The following ATF3 variants were observed in gnomAD, a reference collection of about 807,000 sequenced individuals.
ATF3 encodes cyclic AMP-dependent transcription factor ATF-3.
A neutral mutation model predicts 18.4 loss-of-function variants in ATF3; 10 were observed. That is an observed-to-expected ratio of 0.54 (90% CI 0.34 to 0.92). The LOEUF (loss-of-function observed/expected upper bound fraction) is 0.92. Among genes scored for constraint, ATF3 ranks in the 40% least tolerant of loss-of-function variants. The pLI is 0.02. For missense variants in ATF3, 183 were observed against 222.3 expected (o/e 0.82, Z 1.12); for synonymous variants, 78 against 87.9 (o/e 0.89, Z 0.63).
chr1:212,587,651 A>G (rs528640353), intron 1 of ATF3, among the ~76,000 whole-genome samples: 2 of 152,352 alleles, frequency 1.3e-5, no homozygotes, highest in East Asian at 3.9e-4. Flanking sequence ...CTTTCCATTG[A>G]AATAAAATCC....
intron 1 of ATF3, among the ~76,000 whole-genome samples, chr1:212,589,805 T>G (rs1281228441): frequency 1.2e-5 from 1 of 84,566 alleles, no homozygotes; most frequent in Non-Finnish European, 2.5e-5. Context: ...TGGTCAACTT[T>G]TTTTTTTTTT....
intron 1 of ATF3, among the ~76,000 whole-genome samples, chr1:212,569,396 C>T (rs555728253): frequency 1.3e-5 from 2 of 152,302 alleles, no homozygotes; most frequent in East Asian, 1.9e-4. Context: ...TTAACCAGAA[C>T]AGAGTTGTAC....
intron 1 of ATF3, among the ~76,000 whole-genome samples, chr1:212,567,129 A>G (rs1181359153): frequency 1.3e-5 from 2 of 151,938 alleles, no homozygotes; most frequent in Admixed American, 1.3e-4. Context: ...GCCCACAGAA[A>G]GGGGTTTTCT....
chr1:212,594,261 C>G (rs1664947837), intron 1 of ATF3, among the ~76,000 whole-genome samples: 1 of 152,180 alleles, frequency 6.6e-6, no homozygotes, highest in East Asian at 1.9e-4. Flanking sequence ...AGTCTACATG[C>G]TTCATGAATT....
intron 1 of ATF3, 149 bp from the exon 2 acceptor site, chr1:212,614,869 C>A: frequency 7.1e-7 from 1 of 1,403,308 alleles, no homozygotes; most frequent in Non-Finnish European, 9.8e-7. Context: ...ATGAGGATGG[C>A]ATGAAATGAA....
chr1:212,618,803 G>T lies in ATF3; in HGVS notation c.349-555G>T. The T allele has an allele frequency of 1.7e-6, 1 of 582,704 alleles. No homozygotes were observed. Among genetic ancestry groups the T allele is most frequent in the Non-Finnish European group, 3.0e-6 (1 of 328,430 alleles). 36.1% of individuals were successfully genotyped at this position (582,704 alleles called of 1,614,324 possible). A position where few individuals can be genotyped will look rare whatever the true frequency, so the allele number is the denominator to read the frequency against. On this transcript the variant is annotated intron_variant, in intron 3 of 3. Transcript: ENST00000341491. This position sits in a 1 kb window ranked among gnomAD's most constrained non-coding sequence, Gnocchi z 4.4. ...ATAGCTTTTGTGGGCAAGCAGGGTG[G>T]CCGGTGGTGCTCAGCAGTCTTTCCA...
At chr1:212,602,998 T>C (rs1000749722) in intron 1 of ATF3, among the ~76,000 whole-genome samples, 9 of 152,252 alleles carry the variant, frequency 5.9e-5, no homozygotes, top group Admixed American at 5.9e-4. Flanking sequence ...GTTTATCTCA[T>C]GGCCCTGGTA....
rs1473568338 is a variant in ATF3 at position 212,618,919 on chromosome 1, AG to A, written c.349-435del. 4 of 1,223,458 alleles carry A rather than the reference AG, an allele frequency of 3.3e-6. No homozygotes were observed. Among genetic ancestry groups the A allele is most frequent in the Non-Finnish European group, 4.7e-6 (4 of 850,046 alleles). The allele number at this position is 1,223,458 out of a possible 1,614,324, so 75.8% of individuals were successfully genotyped here. A position where few individuals can be genotyped will look rare whatever the true frequency, so the allele number is the denominator to read the frequency against. ...CCCCAAAAGTTCTGTTGATTGCTTC[AG>A]GGGATCAGTGAAAATTAGGGAATTT... On this transcript the variant is annotated intron_variant, in intron 3 of 3. Coordinates refer to ENST00000341491, the MANE Select transcript of ATF3 (RefSeq NM_001674.4). This position sits in a 1 kb window ranked among gnomAD's most constrained non-coding sequence, Gnocchi z 4.4.
At position 212,620,736 on chromosome 1, in the gene ATF3, C is replaced by G. The variant is rs1239872124; in HGVS notation, c.*1181C>G. On this transcript the variant is annotated 3_prime_UTR_variant, in exon 4 of 4. Coordinates refer to ENST00000341491, the MANE Select transcript of ATF3 (RefSeq NM_001674.4). The stretch of plus-strand genomic sequence containing the variant: ...TACTTATTTATCCTAGTATTCCTAA[C>G]CTGTCAGAATAATAAATATTGGAAC... The G allele has an allele frequency of 6.6e-6, 1 of 152,490 alleles. No individual in the cohort carries two copies. Among genetic ancestry groups the G allele is most frequent in the East Asian group, 1.9e-4 (1 of 5,204 alleles). The allele number at this position is 152,490 out of a possible 1,614,324, so 9.4% of individuals were successfully genotyped here. A position where few individuals can be genotyped will look rare whatever the true frequency, so the allele number is the denominator to read the frequency against.
chr1:212,583,334 G>A (rs1443896088), intron 1 of ATF3, among the ~76,000 whole-genome samples: 1 of 152,168 alleles, frequency 6.6e-6, no homozygotes, highest in Non-Finnish European at 1.5e-5. Context: ...CTGGGCTCAA[G>A]TGATCCTCCT....
Position 212,619,503 on chromosome 1 carries a change from A to T in ATF3, c.494A>T (p.Asp165Val). The change falls in exon 4 of 4, where the codon GAT becomes GTT. Residue 165 changes from aspartate to valine, a missense_variant. Transcript: ENST00000341491. This position sits in a 1 kb window ranked among gnomAD's most constrained non-coding sequence, Gnocchi z 4.4. ...GCTCAGAATGGGAGGACTCCAGAAG[A>T]TGAGAGAAACCTCTTTATCCAACAG... The part of the protein sequence containing the change: ...VRAQNGRTPE[D>V]ERNLFIQQIK... 1 of 1,614,216 alleles carries T rather than the reference A, an allele frequency of 6.2e-7. No individual in the cohort carries two copies. The highest frequency in any genetic ancestry group is 8.5e-7 in the Non-Finnish European group (1 of 1,180,038).
chr1:212,592,530 TC>T, intron 1 of ATF3, among the ~76,000 whole-genome samples: 1 of 151,582 alleles, frequency 6.6e-6, no homozygotes, highest in African/African-American at 2.4e-5. Context: ...CCTACCATAT[TC>T]TTTCTCCTTA....
intron 1 of ATF3, among the ~76,000 whole-genome samples, chr1:212,569,333 C>G (rs4951613): frequency 0.13 from 19,491 of 152,254 alleles, 1,736 homozygotes; most frequent in East Asian, 0.32. Context: ...ATCATATACA[C>G]TTTCTGACTT....
intron 1 of ATF3, among the ~76,000 whole-genome samples, chr1:212,570,876 C>T (rs1664467453): frequency 6.6e-6 from 1 of 152,152 alleles, no homozygotes; most frequent in African/African-American, 2.4e-5. Flanking sequence ...TTGATAGACA[C>T]CTAGGCTGTC....
intron 1 of ATF3, among the ~76,000 whole-genome samples, chr1:212,576,561 T>A (rs1664579146): frequency 6.6e-6 from 1 of 151,848 alleles, no homozygotes; most frequent in South Asian, 2.1e-4. Flanking sequence ...TTTTACTGAT[T>A]TTTTTTCTTA....
intron 1 of ATF3, among the ~76,000 whole-genome samples, chr1:212,611,694 GA>G (rs1654900357): frequency 6.6e-6 from 1 of 152,160 alleles, no homozygotes; most frequent in Non-Finnish European, 1.5e-5. Flanking sequence ...GAAAGAGGAT[GA>G]AAATTAAAAG....
upstream of ATF3, among the ~76,000 whole-genome samples, chr1:212,606,266 G>A (rs1654622168): frequency 1.3e-5 from 2 of 152,232 alleles, no homozygotes; most frequent in Admixed American, 6.5e-5. Context: ...TTTCATTCAA[G>A]TGGGAGTGGA....
intron 1 of ATF3, among the ~76,000 whole-genome samples, chr1:212,580,850 C>G (rs906513204): frequency 6.6e-6 from 1 of 152,190 alleles, no homozygotes; most frequent in Admixed American, 6.5e-5. Flanking sequence ...CTTACTGCAA[C>G]CTTCACCTCC....
intron 1 of ATF3, among the ~76,000 whole-genome samples, chr1:212,574,415 G>A (rs1458328794): frequency 1.3e-5 from 2 of 151,484 alleles, no homozygotes; most frequent in African/African-American, 4.9e-5. Flanking sequence ...TATAATTTTT[G>A]TTTCTTAAAA....
Sources: gnomAD v4.1 joint callset for allele counts (sites outside exome capture counted in the v4.1 genomes callset) on GRCh38, gnomAD v4.1.1 for gene constraint, Gnocchi (gnomAD v3.1) non-coding constraint, MANE v1.5 for transcripts, NCBI Gene and HGNC (gene_info 2026-07-23, HGNC 2026-07-21) for gene names.